PPP1R13B: variants seen among roughly 807,000 people sequenced by gnomAD.
PPP1R13B encodes apoptosis-stimulating of p53 protein 1.
PPP1R13B carries 44 observed loss-of-function variants against 119.8 expected under a neutral mutation model. The observed-to-expected ratio is 0.37, with a 90% CI of 0.29 to 0.47. The LOEUF (loss-of-function observed/expected upper bound fraction) is 0.47. PPP1R13B is among the 20% of genes least tolerant of loss of function. The pLI, the probability that PPP1R13B is intolerant of heterozygous loss-of-function variation, is 0.99. For missense variants in PPP1R13B, 1,227 were observed against 1,413.5 expected (o/e 0.87, Z 2.12); for synonymous variants, 542 against 561.5 (o/e 0.97, Z 0.49).
chr14:103,797,984 G>T (rs116213047), intron 1 of PPP1R13B, among the ~76,000 whole-genome samples: 1,858 of 152,010 alleles, frequency 0.012, 37 homozygotes, highest in African/African-American at 0.042. Flanking sequence ...GTTCCTAATA[G>T]ATCAAATATT....
At chr14:103,824,359 A>G (rs2086486436) in intron 1 of PPP1R13B, among the ~76,000 whole-genome samples, 1 of 144,696 alleles carries the variant, frequency 6.9e-6, no homozygotes, top group Non-Finnish European at 1.5e-5. Flanking sequence ...TCTCTTTTTT[A>G]AGGCTATTTC....
intron 15 of PPP1R13B, chr14:103,737,049 A>C (rs953955419): frequency 6.6e-6 from 1 of 152,350 alleles, no homozygotes; most frequent in African/African-American, 2.4e-5. Context: ...CCAGGGCCCC[A>C]GGCCACCCCA....
In PPP1R13B at chr14:103,736,123, C is replaced by G; in HGVS notation, c.3111G>C (p.Glu1037Asp). ...LWDYEAQNSD[E>D]LSFHEGDALT... ...GGGCGTCCCCTTCGTGGAAGGACAG[C>G]TCGTCACTGTTCTGGGCCTCGTAGT... Residue 1037 changes from glutamate (E) to aspartate (D), a missense_variant, in exon 16 of 17, where the codon GAG becomes GAC. Coordinates refer to ENST00000202556, the MANE Select transcript of PPP1R13B (RefSeq NM_015316.3). 4 of 1,614,228 alleles carry G rather than the reference C, an allele frequency of 2.5e-6. No individual in the cohort carries two copies. Among genetic ancestry groups the G allele is most frequent in the Non-Finnish European group, 3.4e-6 (4 of 1,180,042 alleles).
chr14:103,752,482 C>T (rs2151979702), intron 7 of PPP1R13B, among the ~76,000 whole-genome samples: 1 of 151,224 alleles, frequency 6.6e-6, no homozygotes, highest in South Asian at 2.1e-4. Flanking sequence ...GTACTGAAGC[C>T]ACTGAATTGT....
intron 2 of PPP1R13B, among the ~76,000 whole-genome samples, chr14:103,791,178 G>C (rs1786921920): frequency 6.6e-6 from 1 of 151,472 alleles, no homozygotes. Context: ...CTAAAGTGCA[G>C]TGATATGATC....
At chr14:103,747,283 G>GCA in intron 8 of PPP1R13B, 1 of 152,212 alleles carries the variant, frequency 6.6e-6, no homozygotes, top group East Asian at 1.9e-4. Context: ...TCATTTCGGG[G>GCA]TGAGGGGTTA....
At chr14:103,796,910 G>A (rs2085771955) in intron 2 of PPP1R13B, among the ~76,000 whole-genome samples, 1 of 151,876 alleles carries the variant, frequency 6.6e-6, no homozygotes, top group Non-Finnish European at 1.5e-5. Flanking sequence ...TGAACCAAGA[G>A]CATGCCACTG....
At chr14:103,756,861 C>A (rs2084689555) in intron 5 of PPP1R13B, among the ~76,000 whole-genome samples, 1 of 151,980 alleles carries the variant, frequency 6.6e-6, no homozygotes, top group South Asian at 2.1e-4. Context: ...TGGGTTCACA[C>A]CATTCTCCCG....
At chr14:103,782,691 G>A (rs569199509) in intron 3 of PPP1R13B, among the ~76,000 whole-genome samples, 27 of 152,144 alleles carry the variant, frequency 1.8e-4, no homozygotes, top group African/African-American at 6.3e-4. Context: ...TTTCAAGATA[G>A]TTTTCTCTGC....
chr14:103,742,910 G>A lies in PPP1R13B; in HGVS notation c.1151-87C>T, dbSNP rs2151967653. On this transcript the variant is annotated intron_variant, in intron 9 of 16. Transcript: ENST00000202556. The surrounding 1 kb of genome is among the most constrained non-coding windows in gnomAD (Gnocchi z 4.9). ...TAACACTCTGCCAGAAACAAAAACA[G>A]CACTGGGACATCCCATTCTGATGCA... The A allele has an allele frequency of 1.4e-6, 2 of 1,442,176 alleles. No individual in the cohort carries two copies. The highest frequency in any genetic ancestry group is 1.3e-5 in the South Asian group (1 of 79,608). The allele number at this position is 1,442,176 out of a possible 1,614,324, so 89.3% of individuals were successfully genotyped here.
chr14:103,799,299 C>T (rs2085837729), intron 1 of PPP1R13B, among the ~76,000 whole-genome samples: 1 of 152,168 alleles, frequency 6.6e-6, no homozygotes, highest in Non-Finnish European at 1.5e-5. Flanking sequence ...CTGCCTCAGC[C>T]TCCCGAGTAG....
At chr14:103,838,270 C>A (rs1238160519) in intron 1 of PPP1R13B, among the ~76,000 whole-genome samples, 1 of 151,984 alleles carries the variant, frequency 6.6e-6, no homozygotes, top group African/African-American at 2.4e-5. Flanking sequence ...TGGGGTCCAA[C>A]AGGACCTTCC....
chr14:103,745,403 T>A (rs2084361420), intron 9 of PPP1R13B, among the ~76,000 whole-genome samples: 1 of 152,234 alleles, frequency 6.6e-6, no homozygotes, highest in Non-Finnish European at 1.5e-5. Flanking sequence ...AACGAAGGAA[T>A]GTTTCAATAC....
chr14:103,778,263 CTTT>C lies in PPP1R13B; in HGVS notation c.354+479_354+481del, dbSNP rs34674155. Among the ~76,000 whole-genome samples the C allele has an allele frequency of 5.0e-5, 5 of 99,492 alleles. No individual in the cohort carries two copies. In the East Asian group the frequency reaches 1.2e-3, roughly 23 times the overall value. The allele number at this position is 99,492 out of a possible 152,430, so 65.3% of individuals were successfully genotyped here. A position where few individuals can be genotyped will look rare whatever the true frequency, so the allele number is the denominator to read the frequency against. ...AGCCACCACGCCTGGCCACATCTGACTTTTTTTTTTTTTTTTTTTTGACACGGA... is the reference window on the plus strand; with the variant it reads ...AGCCACCACGCCTGGCCACATCTGACTTTTTTTTTTTTTTTTTGACACGGA... On this transcript the variant is annotated intron_variant, in intron 4 of 16. Coordinates refer to ENST00000202556, the MANE Select transcript of PPP1R13B (RefSeq NM_015316.3).
At position 103,753,045 on chromosome 14, in the gene PPP1R13B, C is replaced by T. The variant is rs370761353; in HGVS notation, c.783G>A (p.Thr261=). The change falls in exon 7 of 17, where the codon ACG becomes ACA. Residue 261 remains threonine, a synonymous_variant. Coordinates refer to ENST00000202556, the MANE Select transcript of PPP1R13B (RefSeq NM_015316.3). The part of the protein sequence containing the change: ...NGFQSYNGKL[T]GPAAVELKRL... Reference sequence around the variant, plus strand: ...TTTTTAACTCCACCGCCGCTGGTCCCGTCAATTTGCCATTGTAAGACTGGA... The same window carrying T: ...TTTTTAACTCCACCGCCGCTGGTCCTGTCAATTTGCCATTGTAAGACTGGA... The T allele has an allele frequency of 2.5e-5, 41 of 1,614,046 alleles. No individual in the cohort carries two copies. Among genetic ancestry groups the T allele is most frequent in the African/African-American group, 1.6e-4 (12 of 74,928 alleles).
rs775532323 is a variant in PPP1R13B at position 103,736,034 on chromosome 14, C to G, written c.3200G>C (p.Arg1067Pro). The G allele has an allele frequency of 6.2e-7, 1 of 1,614,204 alleles. No homozygotes were observed. ...TEWWWARLGDREGYVPKNLLG... is the reference protein window; with the variant it reads ...TEWWWARLGDPEGYVPKNLLG... The stretch of plus-strand genomic sequence containing the variant: ...CAGGTTTTTGGGCACATAGCCCTCC[C>G]GGTCTCCAAGGCGAGCCCACCACCA... The change falls in exon 16 of 17, where the codon CGG (arginine) becomes CCG (proline). Residue 1067 changes from arginine to proline, a missense_variant. By Grantham distance (103) the Arg-to-Pro change is moderately radical. Coordinates refer to ENST00000202556, the MANE Select transcript of PPP1R13B (RefSeq NM_015316.3).
intron 5 of PPP1R13B, among the ~76,000 whole-genome samples, chr14:103,755,225 G>A (rs1393935401): frequency 6.6e-6 from 1 of 152,164 alleles, no homozygotes; most frequent in East Asian, 1.9e-4. Flanking sequence ...CTTTCCTGGT[G>A]CAAGTAATAC....
rs867550696 is a variant in PPP1R13B, at chr14:103,832,958, G to A, written c.9+14341C>T. Among the ~76,000 whole-genome samples the A allele has an allele frequency of 1.4e-4, 21 of 152,010 alleles. 1 individual carries two copies. In the Middle Eastern group the frequency reaches 0.014, roughly 98 times the overall value. On this transcript the variant is annotated intron_variant, in intron 1 of 16. Transcript: ENST00000202556. ...GATCGTGCCACTGCACTCCAGCCTAGGTGACAGAGCGAGATTATGTCTCCA... is the reference window on the plus strand; with the variant it reads ...GATCGTGCCACTGCACTCCAGCCTAAGTGACAGAGCGAGATTATGTCTCCA...
intron 4 of PPP1R13B, chr14:103,759,329 A>ATTTTTTT (rs11286571): frequency 7.7e-6 from 1 of 129,532 alleles, no homozygotes; most frequent in African/African-American, 2.8e-5. Context: ...ACGGTACAAG[A>ATTTTTTT]TTTTTTTTTT....
Sources: gnomAD v4.1 joint callset for allele counts (sites outside exome capture counted in the v4.1 genomes callset) on GRCh38, gnomAD v4.1.1 for gene constraint, Gnocchi (gnomAD v3.1) non-coding constraint, MANE v1.5 for transcripts, NCBI Gene and HGNC (gene_info 2026-07-23, HGNC 2026-07-21) for gene names.